CNGB1: variants seen among roughly 807,000 people sequenced by gnomAD.
CNGB1 encodes the protein cyclic nucleotide-gated channel beta-1.
Under a neutral mutation model 151.7 loss-of-function variants are expected in CNGB1, and 126 were observed. That is an observed-to-expected ratio of 0.83 (90% CI 0.72 to 0.96). The LOEUF (loss-of-function observed/expected upper bound fraction) is 0.96. Among genes scored for constraint, CNGB1 ranks in the 40% least tolerant of loss-of-function variants. The pLI is 0.00. For missense variants in CNGB1, 1,698 were observed against 1,627.0 expected, an observed-to-expected ratio of 1.04 and a Z score of -0.75; for synonymous variants, 623 against 635.1, an observed-to-expected ratio of 0.98 and a Z score of 0.29.
Position 57,917,272 on chromosome 16 carries a change from ATGTCCCCGCCTCTGACAAACTGCAGGCG to A in CNGB1, c.2134_2161del (p.Arg712SerfsTer13), listed in dbSNP as rs1205992459. ...CACCACCTGCCTGTGACTCACAATG[ATGTCCCCGCCTCTGACAAACTGCAGGCG>A]TGTCTGGAACACGGTGATGTCCAGG... is the stretch of plus-strand genomic sequence containing the variant. On this transcript the variant is annotated frameshift_variant, in exon 21 of 33. Coordinates refer to ENST00000251102, the MANE Select transcript of CNGB1 (RefSeq NM_001297.5). LOFTEE classifies it high-confidence loss of function. 1.2e-6 allele frequency: 2 copies of A among 1,612,430 alleles called. No individual in the cohort carries two copies. Among genetic ancestry groups the A allele is most frequent in the African/African-American group, 2.7e-5 (2 of 74,862 alleles).
chr16:57,915,100 G>C (rs948927889), intron 23 of CNGB1, 149 bp downstream of exon 23: 4 of 617,024 alleles, frequency 6.5e-6, no homozygotes, highest in Non-Finnish European at 1.2e-5. Flanking sequence ...TTTCCACTAA[G>C]ACACACGTGG....
At position 57,967,238 on chromosome 16, in the gene CNGB1, G is replaced by C. The variant is rs200694933; in HGVS notation, c.49C>G (p.Arg17Gly). The C allele has an allele frequency of 2.9e-5, 47 of 1,613,940 alleles. No individual in the cohort carries two copies. The highest frequency in any genetic ancestry group is 4.0e-5 in the Non-Finnish European group (47 of 1,180,028). ...RVLPQPPGTP[R>G]KTKMQEEEEV... is the part of the protein sequence containing the mutation. ...TCTTCCTCCTGCATCTTGGTCTTCC[G>C]AGGGGTCCCTGGGGGCTGAGGCAGC... The change falls in exon 2 of 33, where the codon CGG becomes GGG. Residue 17 changes from arginine to glycine, a missense_variant. Transcript: ENST00000251102.
rs367717137 is a variant in CNGB1, at chr16:57,944,951, TAAAAAA to T, written c.1121+4396_1121+4401del. On this transcript the variant is annotated intron_variant, in intron 14 of 32. Coordinates refer to ENST00000251102, the MANE Select transcript of CNGB1 (RefSeq NM_001297.5). ...GGGCAACAGAGCGAGACTCTGTCTT[TAAAAAA>T]AAAAAAAAAAAAAAAACAAGAAAAG... Among the ~76,000 whole-genome samples, 51 of 104,348 alleles carry T rather than the reference TAAAAAA, an allele frequency of 4.9e-4. 1 individual carries two copies. Among genetic ancestry groups the T allele is most frequent in the South Asian group, 1.2e-3 (4 of 3,292 alleles). 68.5% of individuals were successfully genotyped at this position (104,348 alleles called of 152,430 possible). A position where few individuals can be genotyped will look rare whatever the true frequency, so the allele number is the denominator to read the frequency against.
chr16:57,901,570 G>A lies in CNGB1; in HGVS notation c.2850C>T (p.Ile950=), dbSNP rs563734833. The A allele has an allele frequency of 1.6e-4, 258 of 1,614,118 alleles. 3 individuals are homozygous for A. In the Admixed American group the frequency reaches 3.8e-3, roughly 24 times the overall value. The part of the protein sequence containing the change: ...LPDKMRLDLA[I]DVNYNIVSKV... ...TGCTAACGATGTTGTAGTTCACGTC[G>A]ATGGCGAGGTCCAGCCGCATCTTGT... The change falls in exon 28 of 33, where the codon ATC becomes ATT. Residue 950 remains isoleucine, a synonymous_variant. Coordinates refer to ENST00000251102, the MANE Select transcript of CNGB1 (RefSeq NM_001297.5).
chr16:57,933,120 G>T (rs1351041841), intron 16 of CNGB1, among the ~76,000 whole-genome samples: 1 of 151,916 alleles, frequency 6.6e-6, no homozygotes, highest in Non-Finnish European at 1.5e-5. Flanking sequence ...TAGAGATGAG[G>T]TCTCACCATG....
intron 25 of CNGB1, 83 bp from the exon 26 acceptor site, chr16:57,904,958 T>C: frequency 2.6e-6 from 4 of 1,541,160 alleles, no homozygotes; most frequent in Admixed American, 1.7e-5. Context: ...ACGCCTCTGA[T>C]AGATGCATGT....
intron 18 of CNGB1, 81 bp downstream of exon 18, chr16:57,923,191 TA>T: frequency 9.0e-7 from 1 of 1,114,592 alleles, no homozygotes; most frequent in Non-Finnish European, 1.3e-6. Flanking sequence ...TAGAAGGTTC[TA>T]AAAGCATCCA....
chr16:57,960,622 G>T, intron 8 of CNGB1, 92 bp from the exon 9 acceptor site: 1 of 1,518,908 alleles, frequency 6.6e-7, no homozygotes, highest in East Asian at 2.4e-5. Flanking sequence ...GGCCCAAGGC[G>T]GGTGAGCCGG....
At chr16:57,937,885 A>G (rs1281544960) in intron 16 of CNGB1, among the ~76,000 whole-genome samples, 1 of 152,198 alleles carries the variant, frequency 6.6e-6, no homozygotes, top group East Asian at 1.9e-4. Context: ...GGCTGGGATG[A>G]GGCCTGGCAG....
chr16:57,906,770 G>T (rs1314128160), intron 25 of CNGB1, among the ~76,000 whole-genome samples: 1 of 152,192 alleles, frequency 6.6e-6, no homozygotes, highest in Non-Finnish European at 1.5e-5. Flanking sequence ...CAAAGCTCTG[G>T]CTTTACCCCA....
intron 11 of CNGB1, among the ~76,000 whole-genome samples, chr16:57,958,019 G>A (rs1318183251): frequency 6.6e-6 from 1 of 152,202 alleles, no homozygotes; most frequent in East Asian, 1.9e-4. Flanking sequence ...TGGAGCCCTA[G>A]GCTATCAGGA....
At chr16:57,901,462 C>G (rs529889046) in intron 28 of CNGB1, 27 bp from the exon 29 acceptor site, 6 of 1,614,100 alleles carry the variant, frequency 3.7e-6, no homozygotes, top group East Asian at 2.2e-5. Context: ...GGGAAAGGAA[C>G]TTTTTAGAGA....
intron 25 of CNGB1, 27 bp from the exon 26 acceptor site, chr16:57,904,902 G>A (rs1357611664): frequency 1.2e-6 from 2 of 1,614,058 alleles, no homozygotes; most frequent in East Asian, 2.2e-5. Flanking sequence ...AAGGGAACAT[G>A]GGTCATCACA....
At chr16:57,955,476 A>G in intron 12 of CNGB1, 1 of 936,724 alleles carries the variant, frequency 1.1e-6, no homozygotes. Flanking sequence ...TAAGGGACAC[A>G]TATCCCCCAG....
In CNGB1 at chr16:57,919,176, C is replaced by T; in HGVS notation, c.1880G>A (p.Cys627Tyr). ...TTTGAACTTGCAGCAGAGCATGTCG[C>T]AATAGTGCTCCTCTTCCACTGGCTC... is the stretch of plus-strand genomic sequence containing the variant. Reference protein sequence around the residue: ...EAEPVEEEHYCDMLCCKFKHR... With the variant: ...EAEPVEEEHYYDMLCCKFKHR... Residue 627 changes from cysteine (C) to tyrosine (Y), a missense_variant, in exon 20 of 33, where the codon TGC becomes TAC. Cys to Tyr is a radical substitution (Grantham distance 194). Transcript: ENST00000251102. 2 of 1,614,208 alleles carry T rather than the reference C, an allele frequency of 1.2e-6. No homozygotes were observed. Among genetic ancestry groups the T allele is most frequent in the Admixed American group, 3.3e-5 (2 of 60,016 alleles).
chr16:57,912,961 C>G lies in CNGB1; in HGVS notation c.2338G>C (p.Glu780Gln), dbSNP rs1960771407. ...MAFFEFNSRL[E>Q]SILSKAYVYR... is the part of the protein sequence containing the mutation. Reference sequence around the variant, plus strand: ...ACGTAGGCTTTGCTGAGGATGGATTCCAGGCGGCTGTTAAACTCGAAGAAG... The same window carrying G: ...ACGTAGGCTTTGCTGAGGATGGATTGCAGGCGGCTGTTAAACTCGAAGAAG... The change falls in exon 24 of 33, where the codon GAA becomes CAA. Residue 780 changes from glutamate to glutamine, a missense_variant. Glu to Gln is a conservative substitution (Grantham distance 29). Transcript: ENST00000251102. 1 of 1,613,988 alleles carries G rather than the reference C, an allele frequency of 6.2e-7. No homozygotes were observed.
rs1444911901 is a variant in CNGB1 at position 57,940,333 on chromosome 16, G to A, written c.1122-12C>T. The A allele has an allele frequency of 1.9e-6, 3 of 1,567,916 alleles. No individual in the cohort carries two copies. Among genetic ancestry groups the A allele is most frequent in the South Asian group, 1.2e-5 (1 of 85,382 alleles). ...TATCCAGCAGCACCCTGTGACCCGG[G>A]GCGGGGTGGGGAGGATAAAAGGACT... On this transcript the variant is annotated splice_polypyrimidine_tract_variant and intron_variant, in intron 14 of 32. Transcript: ENST00000251102.
rs1596974393 is a variant in CNGB1 at position 57,915,411 on chromosome 16, G to A, written c.2218-76C>T. The A allele has an allele frequency of 3.5e-6, 4 of 1,138,252 alleles. No individual in the cohort carries two copies. In the East Asian group the frequency reaches 9.8e-5, roughly 28 times the overall value. 70.5% of individuals were successfully genotyped at this position (1,138,252 alleles called of 1,614,324 possible). On this transcript the variant is annotated intron_variant, in intron 22 of 32. Transcript: ENST00000251102. ...GAAGGTGAGGGGAGTGAGAGGCGGA[G>A]TCTCTCCCTTCCATGGAAAGGTGAG...
At chr16:57,884,853 G>A (rs1305525478) in intron 32 of CNGB1, among the ~76,000 whole-genome samples, 2 of 152,128 alleles carry the variant, frequency 1.3e-5, no homozygotes, top group African/African-American at 4.8e-5. Context: ...GTTACCAGGG[G>A]TGGGCACTCC....
Sources: gnomAD v4.1 joint callset for allele counts (sites outside exome capture counted in the v4.1 genomes callset) on GRCh38, gnomAD v4.1.1 for gene constraint, MANE v1.5 for transcripts, NCBI Gene and HGNC (gene_info 2026-07-23, HGNC 2026-07-21) for gene names.